ZNF638: variants seen among roughly 807,000 people sequenced by gnomAD.
ZNF638 encodes CTCL tumor antigen se33-1.
A neutral mutation model predicts 195.6 loss-of-function variants in ZNF638; 46 were observed. That is an observed-to-expected ratio of 0.24 (90% CI 0.19 to 0.30). The LOEUF (loss-of-function observed/expected upper bound fraction) is 0.30, where lower values mean the gene tolerates loss of function less well. Ranked by LOEUF, ZNF638 falls within the 10% of genes least tolerant of loss-of-function variation. The probability of loss-of-function intolerance (pLI) is 1.00; values close to 1 mark genes in which losing one functional copy is unlikely to be tolerated. For missense variants in ZNF638, 2,440 were observed against 2,325.3 expected, an observed-to-expected ratio of 1.05 and a Z score of -1.01; for synonymous variants, 845 against 772.0, an observed-to-expected ratio of 1.09 and a Z score of -1.57.
chr2:71,370,499 C>T (rs1406786646), intron 8 of ZNF638, among the ~76,000 whole-genome samples: 2 of 152,118 alleles, frequency 1.3e-5, no homozygotes, highest in Non-Finnish European at 2.9e-5. Flanking sequence ...TAGATCATTT[C>T]TGTGCTTCAG....
rs770679709 is a variant in ZNF638 at position 71,427,365 on chromosome 2, G to T, written c.5496G>T (p.Glu1832Asp). The change falls in exon 24 of 28, where the codon GAG (glutamate) becomes GAT (aspartate). Residue 1832 changes from glutamate (E) to aspartate (D), a missense_variant. This residue lies in a region of ZNF638 where 1,883 missense variants were observed against 1,739.1 expected (regional missense o/e 1.08). Coordinates refer to ENST00000264447, the MANE Select transcript of ZNF638 (RefSeq NM_014497.5). ...ESLSQVGPVN[E>D]NVMEEDLKTM... ...TGTCCCAAGTGGGTCCAGTAAATGAGAATGTTATGGAAGAAGATCTAAAAA... is the reference window on the plus strand; with the variant it reads ...TGTCCCAAGTGGGTCCAGTAAATGATAATGTTATGGAAGAAGATCTAAAAA... 1.3e-6 allele frequency: 2 copies of T among 1,589,034 alleles called. No homozygotes were observed. The highest frequency in any genetic ancestry group is 4.5e-5 in the East Asian group (2 of 44,774).
intron 25 of ZNF638, among the ~76,000 whole-genome samples, chr2:71,430,261 G>T (rs1424419112): frequency 6.6e-6 from 1 of 151,992 alleles, no homozygotes; most frequent in African/African-American, 2.4e-5. Context: ...GGAGTGGCAG[G>T]AACAGATATG....
At chr2:71,397,526 T>C (rs1337966473) in intron 11 of ZNF638, among the ~76,000 whole-genome samples, 1 of 152,222 alleles carries the variant, frequency 6.6e-6, no homozygotes, top group Non-Finnish European at 1.5e-5. Context: ...AGTATGATTG[T>C]ATTCTCATAA....
At chr2:71,388,594 C>T (rs756110406) in intron 10 of ZNF638, 4 of 778,846 alleles carry the variant, frequency 5.1e-6, no homozygotes, top group African/African-American at 3.4e-5. Context: ...CCTGTGTCTG[C>T]GTACTTTTTT....
At chr2:71,399,717 C>T (rs1249144307) in intron 13 of ZNF638, 72 bp downstream of exon 13, 7 of 1,234,764 alleles carry the variant, frequency 5.7e-6, no homozygotes, top group Admixed American at 2.1e-5. Context: ...TTCAGGGGTA[C>T]ATGTGCAGGT....
Position 71,403,860 on chromosome 2 carries a change from G to A in ZNF638, c.2830-10G>A. The A allele has an allele frequency of 6.6e-7, 1 of 1,520,484 alleles. No homozygotes were observed. Among genetic ancestry groups the A allele is most frequent in the Non-Finnish European group, 8.9e-7 (1 of 1,124,362 alleles). The allele number at this position is 1,520,484 out of a possible 1,614,324, so 94.2% of individuals were successfully genotyped here. On this transcript the variant is annotated splice_polypyrimidine_tract_variant and intron_variant, in intron 16 of 27. Transcript: ENST00000264447. ...GATTTTTCTTGTTACCTTAATTTCTGTTTTAAAAGGCATATATAGAAATAA... is the reference window on the plus strand; with the variant it reads ...GATTTTTCTTGTTACCTTAATTTCTATTTTAAAAGGCATATATAGAAATAA...
chr2:71,348,573 GAAAGA>G (rs1469868621), intron 1 of ZNF638, 175 bp from the exon 2 acceptor site: 3 of 1,192,456 alleles, frequency 2.5e-6, no homozygotes, highest in East Asian at 5.8e-5. Context: ...CTGCATTCAG[GAAAGA>G]AAAGAAGAGA....
In ZNF638 at chr2:71,400,469, T is replaced by G; in HGVS notation, c.2657-9T>G. On this transcript the variant is annotated splice_polypyrimidine_tract_variant and intron_variant, in intron 14 of 27. Transcript: ENST00000264447. Reference sequence around the variant, plus strand: ...GTCTGCATTGTTTTTAATTTTATTTTGTATTAAGATGCTGCTTTGGAGGCC... The same window carrying G: ...GTCTGCATTGTTTTTAATTTTATTTGGTATTAAGATGCTGCTTTGGAGGCC... 6.3e-7 allele frequency: 1 copy of G among 1,599,122 alleles called. No homozygotes were observed. The highest frequency in any genetic ancestry group is 1.1e-5 in the South Asian group (1 of 87,614).
At chr2:71,392,042 G>C (rs898532153) in intron 10 of ZNF638, among the ~76,000 whole-genome samples, 1 of 152,184 alleles carries the variant, frequency 6.6e-6, no homozygotes, top group Non-Finnish European at 1.5e-5. Flanking sequence ...CAGCTAGTTA[G>C]TAAAGTCATC....
At chr2:71,431,623 G>T (rs1159949316) in intron 26 of ZNF638, among the ~76,000 whole-genome samples, 195 bp downstream of exon 26, 1 of 152,142 alleles carries the variant, frequency 6.6e-6, no homozygotes, top group African/African-American at 2.4e-5. Flanking sequence ...AGCCGGACGT[G>T]GTGGCGGGCG....
chr2:71,346,832 C>T lies in ZNF638; in HGVS notation c.-202-1921C>T, dbSNP rs549508546. On this transcript the variant is annotated intron_variant, in intron 1 of 27. Coordinates refer to ENST00000264447, the MANE Select transcript of ZNF638 (RefSeq NM_014497.5). The stretch of plus-strand genomic sequence containing the variant: ...ATCAGGAGTTTGAGACCAGCCTGGC[C>T]GACATGACGAAACCCCATCTCTACT... Among the ~76,000 whole-genome samples, 345 of 151,966 alleles carry T rather than the reference C, an allele frequency of 2.3e-3. 3 individuals are homozygous for T. Among genetic ancestry groups the T allele is most frequent in the Admixed American group, 7.7e-3 (118 of 15,256 alleles).
chr2:71,378,331 A>G (rs2079473295), intron 8 of ZNF638, among the ~76,000 whole-genome samples: 1 of 152,254 alleles, frequency 6.6e-6, no homozygotes, highest in African/African-American at 2.4e-5. Context: ...CATTAGTAGA[A>G]TAGCACTAGA....
chr2:71,367,030 A>G (rs1448400208), intron 6 of ZNF638, among the ~76,000 whole-genome samples: 3 of 152,142 alleles, frequency 2.0e-5, no homozygotes, highest in Non-Finnish European at 2.9e-5. Flanking sequence ...TACATGAAAG[A>G]CTTTCAGTAA....
At position 71,403,932 on chromosome 2, in the gene ZNF638, A is replaced by C; in HGVS notation, c.2892A>C (p.Pro964=). The C allele has an allele frequency of 2.5e-6, 4 of 1,610,726 alleles. No individual in the cohort carries two copies. The highest frequency in any genetic ancestry group is 1.1e-5 in the South Asian group (1 of 90,932). The part of the protein sequence containing the change: ...ESMVKFYTCF[P]VLMDGNQLSI... ...TGGTAAAATTTTATACCTGCTTCCC[A>C]GTATTGATGGATGGAAATCAACTCT... Residue 964 remains proline (P), a synonymous_variant, in exon 17 of 28, where the codon CCA becomes CCC. Transcript: ENST00000264447.
chr2:71,333,282 T>G (rs1404141162), intron 1 of ZNF638, among the ~76,000 whole-genome samples: 1 of 152,242 alleles, frequency 6.6e-6, no homozygotes, highest in East Asian at 1.9e-4. Context: ...CCCAGCATGT[T>G]ATACATTAAA....
chr2:71,352,140 T>C (rs528570919), intron 2 of ZNF638, among the ~76,000 whole-genome samples: 9 of 152,176 alleles, frequency 5.9e-5, no homozygotes, highest in South Asian at 4.1e-4. Flanking sequence ...TGGAGTAGGT[T>C]GAAGATGGGT....
At chr2:71,341,946 T>C (rs1023197780) in intron 1 of ZNF638, 6 of 152,224 alleles carry the variant, frequency 3.9e-5, no homozygotes, top group African/African-American at 7.2e-5. Flanking sequence ...CGTTGTGATA[T>C]AACCTAATTC....
At chr2:71,343,576 A>G (rs2078800416) in intron 1 of ZNF638, among the ~76,000 whole-genome samples, 1 of 152,216 alleles carries the variant, frequency 6.6e-6, no homozygotes, top group Admixed American at 6.5e-5. Context: ...GGCATGTAGC[A>G]GTGTAGGAGA....
intron 8 of ZNF638, among the ~76,000 whole-genome samples, chr2:71,377,995 A>G (rs1371690183): frequency 6.6e-6 from 1 of 152,242 alleles, no homozygotes; most frequent in South Asian, 2.1e-4. Flanking sequence ...GGCAGTATTT[A>G]TTCTCAGACA....
Sources: allele counts gnomAD v4.1 joint callset (sites outside exome capture counted in the v4.1 genomes callset), GRCh38; gene constraint gnomAD v4.1.1; regional missense constraint gnomAD v4.1.1; transcripts MANE v1.5; gene names NCBI Gene and HGNC (gene_info 2026-07-23, HGNC 2026-07-21).